Variants in DOT1L observed in about 807,000 individuals in gnomAD.
The protein encoded by DOT1L is histone-lysine N-methyltransferase, H3 lysine-79 specific.
In DOT1L, 33 loss-of-function variants were observed where a neutral mutation model predicts 153.3. The observed-to-expected ratio is 0.22, with a 90% confidence interval of 0.16 to 0.29. The LOEUF is 0.29. DOT1L is among the 10% of genes least tolerant of loss of function. The probability of loss-of-function intolerance (pLI) is 1.00; values close to 1 mark genes in which losing one functional copy is unlikely to be tolerated. For missense variants in DOT1L, 1,847 were observed against 2,119.9 expected (o/e 0.87, Z 2.53); for synonymous variants, 1,135 against 965.1 (o/e 1.18, Z -3.26).
intron 1 of DOT1L, among the ~76,000 whole-genome samples, chr19:2,165,200 G>C (rs2019862357): frequency 6.6e-6 from 1 of 152,196 alleles, no homozygotes; most frequent in South Asian, 2.1e-4. Flanking sequence ...AGCAGGCGCT[G>C]TCAGCGAGCG....
chr19:2,200,953 C>G (rs1350709928), intron 8 of DOT1L, among the ~76,000 whole-genome samples: 3 of 144,204 alleles, frequency 2.1e-5, no homozygotes, highest in East Asian at 2.1e-4. Flanking sequence ...ATTCCTCGTC[C>G]TCCCCGCATT....
rs1051849863 is a variant in DOT1L at position 2,229,917 on chromosome 19, T to G, written c.*125T>G. 1.9e-5 allele frequency: 29 copies of G among 1,566,618 alleles called. No homozygotes were observed. The highest frequency in any genetic ancestry group is 2.4e-5 in the Non-Finnish European group (28 of 1,145,360). ...GGCAGAGGCAAGGACGGACGGGAGC[T>G]CCACTGTGAATCGGCGGCACGCGCC... On this transcript the variant is annotated 3_prime_UTR_variant, in exon 28 of 28. Coordinates refer to ENST00000398665, the MANE Select transcript of DOT1L (RefSeq NM_032482.3).
chr19:2,221,986 C>T lies in DOT1L; in HGVS notation c.2817C>T (p.Tyr939=), dbSNP rs375167756. The change falls in exon 24 of 28, where the codon TAC becomes TAT. Residue 939 remains tyrosine (Y), a synonymous_variant. Coordinates refer to ENST00000398665, the MANE Select transcript of DOT1L (RefSeq NM_032482.3). ...TGTCCTTCCCGGCAGGCTTCTCCTA[C>T]GCTGGCTCGGTGGCCATCAGCGGGG... is the stretch of plus-strand genomic sequence containing the variant. ...SLALAPAGFS[Y]AGSVAISGAL... 1.8e-4 allele frequency: 291 copies of T among 1,607,192 alleles called. No individual in the cohort carries two copies. Among genetic ancestry groups the T allele is most frequent in the Middle Eastern group, 6.6e-4 (4 of 6,062 alleles).
Position 2,216,747 on chromosome 19 carries a change from C to T in DOT1L, c.2390C>T (p.Ala797Val), listed in dbSNP as rs1309092165. The T allele has an allele frequency of 9.4e-6, 15 of 1,593,268 alleles. No homozygotes were observed. Among genetic ancestry groups the T allele is most frequent in the Non-Finnish European group, 1.3e-5 (15 of 1,174,478 alleles). Reference protein sequence around the residue: ...QDHTVPGRPAASELHSRAEHT... With the variant: ...QDHTVPGRPAVSELHSRAEHT... ...CACACGGTGCCCGGCAGGCCGGCTG[C>T]CAGTGAGCTGCATTCGAGGTGAGTG... Residue 797 changes from alanine to valine, a missense_variant, in exon 20 of 28, where the codon GCC becomes GTC. Physicochemically the swap from Ala to Val is moderately conservative, Grantham distance 64 (BLOSUM62 0). Coordinates refer to ENST00000398665, the MANE Select transcript of DOT1L (RefSeq NM_032482.3).
In DOT1L at chr19:2,231,447, G is replaced by A; in HGVS notation, c.*1655G>A. 1 of 205,670 alleles carries A rather than the reference G, an allele frequency of 4.9e-6. No homozygotes were observed. The allele number at this position is 205,670 out of a possible 1,614,324, so 12.7% of individuals were successfully genotyped here. ...AGGTGGGGGAGTCCTGTGTGGGAGGGCCTGAAGACCCCTGCTTGTGCCTGG... is the reference window on the plus strand; with the variant it reads ...AGGTGGGGGAGTCCTGTGTGGGAGGACCTGAAGACCCCTGCTTGTGCCTGG... On this transcript the variant is annotated 3_prime_UTR_variant, in exon 28 of 28. Coordinates refer to ENST00000398665, the MANE Select transcript of DOT1L (RefSeq NM_032482.3).
chr19:2,199,775 T>C (rs2023168376), intron 7 of DOT1L, 109 bp from the exon 8 acceptor site: 1 of 1,381,068 alleles, frequency 7.2e-7, no homozygotes, highest in Admixed American at 2.0e-5. Flanking sequence ...TCCTGCTCCT[T>C]CACTGCAAGC....
At chr19:2,188,494 C>CCCCCCCCG (rs1491479536) in intron 3 of DOT1L, among the ~76,000 whole-genome samples, 6 of 117,630 alleles carry the variant, frequency 5.1e-5, no homozygotes, top group South Asian at 3.3e-4. Context: ...CCCCCCCCCC[C>CCCCCCCCG]ACCCGCACAG....
chr19:2,220,352 C>T lies in DOT1L; in HGVS notation c.2806+130C>T, dbSNP rs1438497193. On this transcript the variant is annotated intron_variant, in intron 23 of 27. Transcript: ENST00000398665. This position sits in a 1 kb window ranked among gnomAD's most constrained non-coding sequence, Gnocchi z 4.5. ...CATGGGGGCTGCTGCCCCAAACCGC[C>T]ACGCCTCATTACTGACACCCTTTCC... is the stretch of plus-strand genomic sequence containing the variant. 3 of 894,518 alleles carry T rather than the reference C, an allele frequency of 3.4e-6. No individual in the cohort carries two copies. Among genetic ancestry groups the T allele is most frequent in the African/African-American group, 3.3e-5 (2 of 60,544 alleles). 55.4% of individuals were successfully genotyped at this position (894,518 alleles called of 1,614,324 possible). A position where few individuals can be genotyped will look rare whatever the true frequency, so the allele number is the denominator to read the frequency against.
chr19:2,187,800 T>G (rs796606804), intron 3 of DOT1L, among the ~76,000 whole-genome samples: 1 of 151,892 alleles, frequency 6.6e-6, no homozygotes, highest in Non-Finnish European at 1.5e-5. Flanking sequence ...CGGGTGCCTG[T>G]AGTCCCAGTT....
In DOT1L at chr19:2,187,704, C is replaced by T. The variant is rs1157719134; in HGVS notation, c.200+1775C>T. Among the ~76,000 whole-genome samples the T allele has an allele frequency of 5.9e-5, 9 of 152,192 alleles. No individual in the cohort carries two copies. The East Asian group carries it at 9.7e-4, about 16-fold the overall frequency. On this transcript the variant is annotated intron_variant, in intron 3 of 27. Coordinates refer to ENST00000398665, the MANE Select transcript of DOT1L (RefSeq NM_032482.3). ...TTGGGAGGCCGAGGCGGATGGATCACGAGGTCAGGAGATCGAGACCATCCT... is the reference window on the plus strand; with the variant it reads ...TTGGGAGGCCGAGGCGGATGGATCATGAGGTCAGGAGATCGAGACCATCCT...
intron 5 of DOT1L, among the ~76,000 whole-genome samples, chr19:2,192,166 C>T (rs182379008): frequency 1.2e-4 from 18 of 152,246 alleles, no homozygotes; most frequent in Middle Eastern, 3.4e-3. Context: ...CTGGCTTTGA[C>T]GTGGGGAAGG....
At chr19:2,164,363 C>T (rs571521780) in intron 1 of DOT1L, 98 bp downstream of exon 1, 2 of 802,622 alleles carry the variant, frequency 2.5e-6, no homozygotes, top group Non-Finnish European at 3.3e-6. Flanking sequence ...CACCGGTCCC[C>T]CCTGCGGAAC....
In DOT1L at chr19:2,207,978, A is replaced by G. The variant is rs889008439; in HGVS notation, c.963+298A>G. ...GGGGCCATCAGAGTGATGTGTGACC[A>G]TAAGGGTCCCGGCCGCCATATCCAG... On this transcript the variant is annotated intron_variant, in intron 11 of 27. Coordinates refer to ENST00000398665, the MANE Select transcript of DOT1L (RefSeq NM_032482.3). This position sits in a 1 kb window ranked among gnomAD's most constrained non-coding sequence, Gnocchi z 4.5. Among the ~76,000 whole-genome samples the G allele has an allele frequency of 6.0e-4, 92 of 152,202 alleles. No homozygotes were observed. Among genetic ancestry groups the G allele is most frequent in the African/African-American group, 2.0e-3 (83 of 41,534 alleles).
intron 3 of DOT1L, among the ~76,000 whole-genome samples, chr19:2,187,399 G>A (rs968527361): frequency 6.6e-6 from 1 of 152,206 alleles, no homozygotes; most frequent in Non-Finnish European, 1.5e-5. Flanking sequence ...CGTGGGATGG[G>A]CTTAGCCAAG....
rs751114914 is a variant in DOT1L, at chr19:2,226,553, G to C, written c.4032G>C (p.Ala1344=). 7.5e-6 allele frequency: 12 copies of C among 1,600,548 alleles called. No homozygotes were observed. Among genetic ancestry groups the C allele is most frequent in the Non-Finnish European group, 8.5e-6 (10 of 1,179,242 alleles). Residue 1344 remains alanine (A), a synonymous_variant, in exon 27 of 28, where the codon GCG becomes GCC. Coordinates refer to ENST00000398665, the MANE Select transcript of DOT1L (RefSeq NM_032482.3). ...GASLPHKGPE[A]AGLSSPLSFP... is the part of the protein sequence containing the mutation. ...CTCTTCCCCACAAGGGCCCCGAGGC[G>C]GCCGGCCTGAGCTCCCCGCTGAGCT...
rs188077421 is a variant in DOT1L, at chr19:2,231,481, G to A, written c.*1689G>A. ...CCCCTGCTTGTGCCTGGTGAGGGGG[G>A]TGCTGCCTCCCCCAGCCCCCAACAA... is the stretch of plus-strand genomic sequence containing the variant. On this transcript the variant is annotated 3_prime_UTR_variant, in exon 28 of 28. Coordinates refer to ENST00000398665, the MANE Select transcript of DOT1L (RefSeq NM_032482.3). 1,410 of 206,400 alleles carry A rather than the reference G, an allele frequency of 6.8e-3. 10 individuals carry two copies. The highest frequency in any genetic ancestry group is 0.011 in the Non-Finnish European group (1,098 of 101,132). 12.8% of individuals were successfully genotyped at this position (206,400 alleles called of 1,614,324 possible). A position where few individuals can be genotyped will look rare whatever the true frequency, so the allele number is the denominator to read the frequency against.
At chr19:2,164,382 T>G (rs1202651254) in intron 1 of DOT1L, 117 bp downstream of exon 1, 6 of 591,810 alleles carry the variant, frequency 1.0e-5, no homozygotes, top group Non-Finnish European at 1.4e-5. Context: ...ACGGAGACCC[T>G]GGACTCCACT....
intron 16 of DOT1L, chr19:2,212,129 G>C (rs2023735965): frequency 2.8e-6 from 1 of 352,428 alleles, no homozygotes; most frequent in Non-Finnish European, 5.2e-6. Context: ...CTAGTGCACA[G>C]GTCCCTCCCC....
rs1269354910 is a variant in DOT1L at position 2,226,644 on chromosome 19, G to A, written c.4123G>A (p.Gly1375Ser). 2.5e-6 allele frequency: 4 copies of A among 1,586,204 alleles called. No homozygotes were observed. Among genetic ancestry groups the A allele is most frequent in the East Asian group, 2.3e-5 (1 of 43,998 alleles). The part of the protein sequence containing the change: ...NPFLSKRQLD[G>S]LAGLKGEGSR... ...TTTCCTGAGCAAGAGGCAGCTGGACGGCCTGGCTGGGCTGAAGGGCGAGGG... is the reference window on the plus strand; with the variant it reads ...TTTCCTGAGCAAGAGGCAGCTGGACAGCCTGGCTGGGCTGAAGGGCGAGGG... Residue 1375 changes from glycine to serine, a missense_variant, in exon 27 of 28, where the codon GGC (glycine) becomes AGC (serine). Physicochemically the swap from Gly to Ser is moderately conservative, Grantham distance 56. Coordinates refer to ENST00000398665, the MANE Select transcript of DOT1L (RefSeq NM_032482.3).
Sources: gnomAD v4.1 joint callset for allele counts (sites outside exome capture counted in the v4.1 genomes callset) on GRCh38, gnomAD v4.1.1 for gene constraint, Gnocchi (gnomAD v3.1) non-coding constraint, MANE v1.5 for transcripts, NCBI Gene and HGNC (gene_info 2026-07-23, HGNC 2026-07-21) for gene names.